GCNT2: variants seen among roughly 807,000 people sequenced by gnomAD.
GCNT2 encodes glucosaminyl (N-acetyl) transferase 2 (I blood group), also known as N-acetyllactosaminide beta-1,6-N-acetylglucosaminyl-transferase.
A neutral mutation model predicts 34.2 loss-of-function variants in GCNT2; 34 were observed. The ratio of observed to expected loss-of-function variants is 1.00; its 90% CI spans 0.76 to 1.32. GCNT2 has a LOEUF of 1.32. Among genes scored for constraint, GCNT2 ranks in the 40% most tolerant of loss-of-function variants. The pLI, the probability that GCNT2 is intolerant of heterozygous loss-of-function variation, is 0.00. For missense variants in GCNT2, 584 were observed against 489.4 expected (o/e 1.19, Z -1.82); for synonymous variants, 212 against 188.0 (o/e 1.13, Z -1.04).
intron 3 of GCNT2, among the ~76,000 whole-genome samples, chr6:10,534,100 TC>T (rs1267707082): frequency 2.0e-5 from 3 of 150,876 alleles, no homozygotes; most frequent in East Asian, 1.9e-4. Flanking sequence ...GGGTTCTACT[TC>T]CTATGTCTTC....
At chr6:10,595,672 C>T (rs114572872) in intron 3 of GCNT2, among the ~76,000 whole-genome samples, 353 of 150,040 alleles carry the variant, frequency 2.4e-3, no homozygotes, top group African/African-American at 7.6e-3. Flanking sequence ...ATCAACATAG[C>T]CAAGATCTGA....
intron 3 of GCNT2, among the ~76,000 whole-genome samples, chr6:10,589,329 TTGTAGTGTGTG>T (rs1192022007): frequency 8.3e-4 from 96 of 115,942 alleles, no homozygotes; most frequent in African/African-American, 2.7e-3. Context: ...TGTGGTGTGT[TTGTAGTGTGTG>T]TGTAGTGTGT....
chr6:10,528,464 G>T, intron 2 of GCNT2, 167 bp from the exon 3 acceptor site: 1 of 221,150 alleles, frequency 4.5e-6, no homozygotes, highest in Non-Finnish European at 9.1e-6. Context: ...ACAGGAAGCA[G>T]GGGAGGGGAC....
intron 3 of GCNT2, among the ~76,000 whole-genome samples, chr6:10,620,091 C>T (rs904438010): frequency 3.3e-5 from 5 of 152,208 alleles, no homozygotes; most frequent in Non-Finnish European, 5.9e-5. Flanking sequence ...TCTCCCTTTG[C>T]TGTGTAAAAT....
intron 3 of GCNT2, among the ~76,000 whole-genome samples, chr6:10,584,566 T>G (rs1764259084): frequency 6.6e-6 from 1 of 152,204 alleles, no homozygotes; most frequent in South Asian, 2.1e-4. Context: ...TATCTCAGGT[T>G]GTCTCAGTGG....
intron 3 of GCNT2, among the ~76,000 whole-genome samples, chr6:10,554,993 C>A (rs748673860): frequency 6.6e-6 from 1 of 152,220 alleles, no homozygotes; most frequent in African/African-American, 2.4e-5. Context: ...AGGAGGGTAG[C>A]ACTTGCTTTC....
At chr6:10,586,160 A>C in intron 3 of GCNT2, 1 of 1,614,204 alleles carries the variant, frequency 6.2e-7, no homozygotes, top group Non-Finnish European at 8.5e-7. Flanking sequence ...AGAAAATGCC[A>C]GTCTTTTTGT....
intron 3 of GCNT2, among the ~76,000 whole-genome samples, chr6:10,561,182 T>G (rs1301602424): frequency 6.6e-6 from 1 of 152,196 alleles, no homozygotes; most frequent in Non-Finnish European, 1.5e-5. Context: ...TCTTTTTTTT[T>G]GAGACAGAGT....
At chr6:10,606,603 CTTCCATTAAAGAAATTTAATGGAAAT>C (rs70991032) in intron 3 of GCNT2, among the ~76,000 whole-genome samples, 12,089 of 59,988 alleles carry the variant, frequency 0.2, 707 homozygotes, top group Non-Finnish European at 0.23. Flanking sequence ...GTACCTTTAA[CTTCCATTAAAGAAATTTAATGGAAAT>C]TTCCATTAAA....
intron 3 of GCNT2, among the ~76,000 whole-genome samples, chr6:10,600,794 T>C: frequency 6.6e-6 from 1 of 152,102 alleles, no homozygotes. Flanking sequence ...AGAGACAGCA[T>C]CTCATTCTGT....
chr6:10,592,945 G>A (rs1274477206), intron 3 of GCNT2, among the ~76,000 whole-genome samples: 1 of 152,060 alleles, frequency 6.6e-6, no homozygotes, highest in Non-Finnish European at 1.5e-5. Flanking sequence ...GTTTCACCAT[G>A]TTGGCCAAGG....
At position 10,528,891 on chromosome 6, in the gene GCNT2, T is replaced by C; in HGVS notation, c.-21T>C. 4 of 1,563,790 alleles carry C rather than the reference T, an allele frequency of 2.6e-6. No individual in the cohort carries two copies. In the South Asian group the frequency reaches 4.4e-5, roughly 17 times the overall value. The stretch of plus-strand genomic sequence containing the variant: ...GATCCTATCTCAAGAGAGAGATATT[T>C]TACTCATTTCCTGGTTGTGAATGAT... On this transcript the variant is annotated 5_prime_UTR_variant, in exon 3 of 5. Transcript: ENST00000495262.
chr6:10,584,051 G>A (rs1226674133), intron 3 of GCNT2, among the ~76,000 whole-genome samples: 1 of 152,078 alleles, frequency 6.6e-6, no homozygotes. Context: ...GGCCCTGGGG[G>A]ACCGGCGCTT....
intron 3 of GCNT2, among the ~76,000 whole-genome samples, chr6:10,617,597 T>G (rs1441173028): frequency 6.6e-6 from 1 of 152,204 alleles, no homozygotes; most frequent in East Asian, 1.9e-4. Flanking sequence ...CGTAACCATC[T>G]GGGAATGCGG....
In GCNT2 at chr6:10,582,775, T is replaced by A. The variant is rs1764180941; in HGVS notation, c.926-38576T>A. Reference sequence around the variant, plus strand: ...TCAAAATATCAGTTCATTATGAGGGTCAGAAGTGTTGGATATTTTCCAAAA... The same window carrying A: ...TCAAAATATCAGTTCATTATGAGGGACAGAAGTGTTGGATATTTTCCAAAA... On this transcript the variant is annotated intron_variant, in intron 3 of 4. Transcript: ENST00000495262. Among the ~76,000 whole-genome samples the A allele has an allele frequency of 2.0e-5, 3 of 149,538 alleles. No homozygotes were observed. The South Asian group carries it at 6.3e-4, about 31-fold the overall frequency.
At chr6:10,546,161 A>G (rs1762254257) in intron 3 of GCNT2, among the ~76,000 whole-genome samples, 1 of 152,178 alleles carries the variant, frequency 6.6e-6, no homozygotes, top group African/African-American at 2.4e-5. Context: ...TGATCTCAGC[A>G]GCATATACGG....
At chr6:10,574,593 G>T (rs923529785) in intron 3 of GCNT2, among the ~76,000 whole-genome samples, 1 of 152,166 alleles carries the variant, frequency 6.6e-6, no homozygotes, top group Admixed American at 6.5e-5. Flanking sequence ...ATTTAGGATG[G>T]GGGGAGCATG....
chr6:10,537,124 T>G (rs992736168), intron 3 of GCNT2, among the ~76,000 whole-genome samples: 4 of 152,310 alleles, frequency 2.6e-5, no homozygotes, highest in African/African-American at 9.6e-5. Flanking sequence ...CCTGACAGAC[T>G]TCATTTTTTA....
chr6:10,528,867 A>G lies in GCNT2; in HGVS notation c.-45A>G. On this transcript the variant is annotated 5_prime_UTR_variant, in exon 3 of 5. Transcript: ENST00000495262. ...GTAAGTTAAATATATCTACACTCTG[A>G]TCCTATCTCAAGAGAGAGATATTTT... 2 of 1,425,272 alleles carry G rather than the reference A, an allele frequency of 1.4e-6. No homozygotes were observed. The highest frequency in any genetic ancestry group is 9.9e-7 in the Non-Finnish European group (1 of 1,008,870). The allele number at this position is 1,425,272 out of a possible 1,614,324, so 88.3% of individuals were successfully genotyped here.
Sources: gnomAD v4.1 joint callset for allele counts (sites outside exome capture counted in the v4.1 genomes callset) on GRCh38, gnomAD v4.1.1 for gene constraint, MANE v1.5 for transcripts, NCBI Gene and HGNC (gene_info 2026-07-23, HGNC 2026-07-21) for gene names.